The following PNPLA2 variants were observed in gnomAD, a reference collection of about 807,000 sequenced individuals.
PNPLA2 encodes the protein patatin-like phospholipase domain-containing protein 2.
In PNPLA2, 28 loss-of-function variants were observed where a neutral mutation model predicts 39.7. The observed-to-expected ratio is 0.70, with a 90% CI of 0.52 to 0.97. The LOEUF (loss-of-function observed/expected upper bound fraction) is 0.97. PNPLA2 is among the 50% of genes least tolerant of loss of function. The pLI is 0.00. For synonymous variants in PNPLA2, 392 were observed against 321.1 expected, an observed-to-expected ratio of 1.22 and a Z score of -2.36; for missense variants, 768 against 698.2, an observed-to-expected ratio of 1.10 and a Z score of -1.13.
rs550573490 is a variant in PNPLA2 at position 821,722 on chromosome 11, C to T, written c.282C>T (p.Ile94=). ...CCTCCTTCAACCTGGTAAAGATCAT[C>T]CGCAGTTTCCTGCTGAAGGTCCTGC... is the stretch of plus-strand genomic sequence containing the variant. ...LHPSFNLVKI[I]RSFLLKVLPA... Residue 94 remains isoleucine, a synonymous_variant, in exon 3 of 10, where the codon ATC becomes ATT. Coordinates refer to ENST00000336615, the MANE Select transcript of PNPLA2 (RefSeq NM_020376.4). 9.7e-5 allele frequency: 157 copies of T among 1,614,022 alleles called. 2 individuals carry two copies. In the South Asian group the frequency reaches 1.6e-3, roughly 17 times the overall value.
At position 819,617 on chromosome 11, in the gene PNPLA2, C is replaced by T; in HGVS notation, c.-102C>T. The T allele has an allele frequency of 8.5e-6, 11 of 1,294,642 alleles. No homozygotes were observed. The highest frequency in any genetic ancestry group is 1.1e-5 in the Non-Finnish European group (11 of 1,004,536). 80.2% of individuals were successfully genotyped at this position (1,294,642 alleles called of 1,614,324 possible). A position where few individuals can be genotyped will look rare whatever the true frequency, so the allele number is the denominator to read the frequency against. On this transcript the variant is annotated 5_prime_UTR_variant, in exon 2 of 10. Coordinates refer to ENST00000336615, the MANE Select transcript of PNPLA2 (RefSeq NM_020376.4). ...CGGGGACCCCGAGCTAGAGCCGCAG[C>T]GGGACCTGCCCGGCCCCCGGCTCCA...
rs74045166 is a variant in PNPLA2 at position 825,458 on chromosome 11, C to T, written c.*596C>T. The T allele has an allele frequency of 2.0e-5, 3 of 151,602 alleles. No individual in the cohort carries two copies. Among genetic ancestry groups the T allele is most frequent in the Non-Finnish European group, 2.9e-5 (2 of 68,214 alleles). 9.4% of individuals were successfully genotyped at this position (151,602 alleles called of 1,614,324 possible). On this transcript the variant is annotated 3_prime_UTR_variant, in exon 10 of 10. Transcript: ENST00000336615. ...CCCCTGTCTAGGATGCATCCACACC[C>T]CCCCCAATTTTGCCCAGCAGCCTCC...
chr11:822,241 G>A, intron 4 of PNPLA2, 156 bp from the exon 5 acceptor site: 2 of 795,176 alleles, frequency 2.5e-6, no homozygotes, highest in Non-Finnish European at 4.3e-6. Context: ...TCTGCTCAGT[G>A]CCCAGGCTGG....
At position 822,692 on chromosome 11, in the gene PNPLA2, G is replaced by A; in HGVS notation, c.696+86G>A. Reference sequence around the variant, plus strand: ...AACACTGATCCTTTGACTTCTGAGTGCCCAGGGTAGGGTGGTGGGAGCCTC... The same window carrying A: ...AACACTGATCCTTTGACTTCTGAGTACCCAGGGTAGGGTGGTGGGAGCCTC... On this transcript the variant is annotated intron_variant, in intron 5 of 9. Transcript: ENST00000336615. 3 of 1,167,760 alleles carry A rather than the reference G, an allele frequency of 2.6e-6. No individual in the cohort carries two copies. The South Asian group carries it at 3.7e-5, about 14-fold the overall frequency. The allele number at this position is 1,167,760 out of a possible 1,614,324, so 72.3% of individuals were successfully genotyped here.
chr11:822,671 C>A, intron 5 of PNPLA2, 65 bp downstream of exon 5: 1 of 1,355,392 alleles, frequency 7.4e-7, no homozygotes, highest in Non-Finnish European at 1.1e-6. Context: ...AGGGAGAACA[C>A]TGATCCTTTG....
chr11:824,137 G>A lies in PNPLA2; in HGVS notation c.1052+7G>A. ...CTCTGTCCTTCACCATCCGGTGTGA[G>A]GGCTGGGGGGTCGGGAGAGGGGCCC... is the stretch of plus-strand genomic sequence containing the variant. On this transcript the variant is annotated splice_region_variant and intron_variant, in intron 8 of 9. Transcript: ENST00000336615. 1 of 1,591,018 alleles carries A rather than the reference G, an allele frequency of 6.3e-7. No individual in the cohort carries two copies. Among genetic ancestry groups the A allele is most frequent in the Non-Finnish European group, 8.5e-7 (1 of 1,169,816 alleles).
Position 821,848 on chromosome 11 carries a change from C to T in PNPLA2, c.408C>T (p.Asp136=), listed in dbSNP as rs371125971. 23 of 1,613,678 alleles carry T rather than the reference C, an allele frequency of 1.4e-5. No individual in the cohort carries two copies. Among genetic ancestry groups the T allele is most frequent in the East Asian group, 6.7e-5 (3 of 44,896 alleles). The change falls in exon 3 of 10, where the codon GAC becomes GAT. Residue 136 remains aspartate, a synonymous_variant. Transcript: ENST00000336615. The part of the protein sequence containing the change: ...NVIISHFNSK[D]ELIQANVCSG... ...TTATATCCCACTTCAACTCCAAGGACGAGCTCATCCAGGTGGGGCCTGGTG... is the reference window on the plus strand; with the variant it reads ...TTATATCCCACTTCAACTCCAAGGATGAGCTCATCCAGGTGGGGCCTGGTG...
intron 2 of PNPLA2, chr11:821,081 C>T (rs1042474694): frequency 2.7e-5 from 5 of 184,186 alleles, no homozygotes; most frequent in Admixed American, 5.4e-5. Flanking sequence ...TCAGTGCTCC[C>T]GACCACTTCC....
chr11:819,406 G>C (rs1415336292), intron 1 of PNPLA2, 168 bp from the exon 2 acceptor site: 2 of 977,152 alleles, frequency 2.0e-6, no homozygotes, highest in East Asian at 1.1e-4. Flanking sequence ...AGCTTTCTCC[G>C]GGCGGCAGCG....
intron 1 of PNPLA2, 56 bp from the exon 2 acceptor site, chr11:819,518 C>T (rs936276205): frequency 3.9e-5 from 49 of 1,259,876 alleles, no homozygotes; most frequent in Middle Eastern, 3.1e-4. Context: ...TGTGCCGGCC[C>T]CGCCCCCGCC....
intron 7 of PNPLA2, 47 bp downstream of exon 7, chr11:823,902 A>G: frequency 1.9e-6 from 3 of 1,546,074 alleles, no homozygotes; most frequent in Non-Finnish European, 2.6e-6. Flanking sequence ...CAGGAGGGAA[A>G]GAGAGAGAGG....
At chr11:821,895 G>C (rs779769284) in intron 3 of PNPLA2, 35 bp downstream of exon 3, 5 of 1,610,466 alleles carry the variant, frequency 3.1e-6, no homozygotes, top group East Asian at 2.2e-5. Flanking sequence ...GGTGGCGGTG[G>C]GGGGGGCAGT....
Position 825,082 on chromosome 11 carries a change from G to A in PNPLA2, c.*220G>A, listed in dbSNP as rs1045906913. On this transcript the variant is annotated 3_prime_UTR_variant, in exon 10 of 10. Transcript: ENST00000336615. Reference sequence around the variant, plus strand: ...TAATCTTCCCTCCCCTGTGCTGCCCGAGCACCTCCCCCGCCCCTTTACTCC... The same window carrying A: ...TAATCTTCCCTCCCCTGTGCTGCCCAAGCACCTCCCCCGCCCCTTTACTCC... 1.2e-5 allele frequency: 7 copies of A among 591,398 alleles called. No homozygotes were observed. Among genetic ancestry groups the A allele is most frequent in the Non-Finnish European group, 2.1e-5 (7 of 332,640 alleles). The allele number at this position is 591,398 out of a possible 1,614,324, so 36.6% of individuals were successfully genotyped here. A position where few individuals can be genotyped will look rare whatever the true frequency, so the allele number is the denominator to read the frequency against.
intron 2 of PNPLA2, chr11:820,942 T>C (rs1845646774): frequency 6.5e-6 from 1 of 154,068 alleles, no homozygotes; most frequent in East Asian, 1.9e-4. Flanking sequence ...AGACTCCTTC[T>C]CACGGGTGGT....
rs1485773812 is a variant in PNPLA2 at position 824,877 on chromosome 11, C to T, written c.*15C>T. The T allele has an allele frequency of 2.0e-6, 3 of 1,526,398 alleles. No homozygotes were observed. The highest frequency in any genetic ancestry group is 1.7e-4 in the Middle Eastern group (1 of 5,974). 94.6% of individuals were successfully genotyped at this position (1,526,398 alleles called of 1,614,324 possible). A position where few individuals can be genotyped will look rare whatever the true frequency, so the allele number is the denominator to read the frequency against. ...TGGGGCTGTGAGACCCCGACCCTCTCGAGGAACCCTGCCTGAGACGCCTCC... is the reference window on the plus strand; with the variant it reads ...TGGGGCTGTGAGACCCCGACCCTCTTGAGGAACCCTGCCTGAGACGCCTCC... On this transcript the variant is annotated 3_prime_UTR_variant, in exon 10 of 10. Coordinates refer to ENST00000336615, the MANE Select transcript of PNPLA2 (RefSeq NM_020376.4).
Position 822,823 on chromosome 11 carries a change from T to C in PNPLA2, c.696+217T>C, listed in dbSNP as rs961151208. Among the ~76,000 whole-genome samples, 382 of 149,972 alleles carry C rather than the reference T, an allele frequency of 2.5e-3. 2 individuals are homozygous for C. The highest frequency in any genetic ancestry group is 8.0e-3 in the African/African-American group (329 of 41,026). On this transcript the variant is annotated intron_variant, in intron 5 of 9. Transcript: ENST00000336615. ...GCTCCCTGTCCAGTCTCTCTCTCTT[T>C]TTTTTTTTTTTTTTTGTTTGAGACG...
intron 5 of PNPLA2, among the ~76,000 whole-genome samples, chr11:822,913 C>T (rs1258017121): frequency 1.3e-5 from 2 of 151,810 alleles, no homozygotes; most frequent in African/African-American, 4.8e-5. Flanking sequence ...CAACCTCTGC[C>T]TCCAAGGTTC....
intron 4 of PNPLA2, 50 bp from the exon 5 acceptor site, chr11:822,347 G>A: frequency 1.3e-6 from 2 of 1,538,496 alleles, no homozygotes; most frequent in South Asian, 2.2e-5. Flanking sequence ...TGGGTGGCCA[G>A]TGCAGCCACA....
Position 822,450 on chromosome 11 carries a change from C to T in PNPLA2, c.540C>T (p.Asn180=). 1 of 1,614,118 alleles carries T rather than the reference C, an allele frequency of 6.2e-7. No homozygotes were observed. Among genetic ancestry groups the T allele is most frequent in the Non-Finnish European group, 8.5e-7 (1 of 1,180,002 alleles). The change falls in exon 5 of 10, where the codon AAC becomes AAT. Residue 180 remains asparagine, a synonymous_variant. Transcript: ENST00000336615. ...ACCTGCCACTCTATGAGCTTAAGAA[C>T]ACCATCACAGTGTCCCCCTTCTCGG... ...SDNLPLYELK[N]TITVSPFSGE...
Sources: allele counts gnomAD v4.1 joint callset (sites outside exome capture counted in the v4.1 genomes callset), GRCh38; gene constraint gnomAD v4.1.1; transcripts MANE v1.5; gene names NCBI Gene and HGNC (gene_info 2026-07-23, HGNC 2026-07-21).